CDH18: variants seen among roughly 807,000 people sequenced by gnomAD.
CDH18 encodes cadherin 18, also known as cadherin-18.
In CDH18, 31 loss-of-function variants were observed where a neutral mutation model predicts 67.9. The ratio of observed to expected loss-of-function variants is 0.46; its 90% confidence interval spans 0.34 to 0.62. The LOEUF is 0.62. Ranked by LOEUF, CDH18 falls within the 20% of genes least tolerant of loss-of-function variation. The pLI is 0.01. For missense variants in CDH18, 890 were observed against 975.5 expected (o/e 0.91, Z 1.17); for synonymous variants, 362 against 347.2 (o/e 1.04, Z -0.48).
At chr5:19,563,875 T>G (rs930725014) in intron 8 of CDH18, among the ~76,000 whole-genome samples, 2 of 152,118 alleles carry the variant, frequency 1.3e-5, no homozygotes, top group African/African-American at 4.8e-5. Flanking sequence ...CATACCCTGG[T>G]AGTGGCAGCA....
chr5:19,899,292 C>A (rs963838633), intron 2 of CDH18, among the ~76,000 whole-genome samples: 1 of 150,840 alleles, frequency 6.6e-6, no homozygotes, highest in Non-Finnish European at 1.5e-5. Flanking sequence ...CCCAGCTACT[C>A]GGGAGGCTGA....
intron 5 of CDH18, among the ~76,000 whole-genome samples, chr5:19,624,382 T>C (rs1191909755): frequency 4.6e-5 from 7 of 152,188 alleles, no homozygotes; most frequent in Non-Finnish European, 1.0e-4. Context: ...TATATGTATA[T>C]ACAATATATG....
chr5:20,141,605 C>T (rs1226007152), intron 2 of CDH18, among the ~76,000 whole-genome samples: 5 of 152,116 alleles, frequency 3.3e-5, no homozygotes, highest in African/African-American at 1.2e-4. Context: ...CATCATGTGA[C>T]AGAGATCCAG....
At chr5:20,116,233 G>A (rs1370210514) in intron 2 of CDH18, among the ~76,000 whole-genome samples, 1 of 152,042 alleles carries the variant, frequency 6.6e-6, no homozygotes. Context: ...AGTAGGATGG[G>A]GACAGTCCTC....
intron 1 of CDH18, among the ~76,000 whole-genome samples, chr5:20,313,059 A>G (rs975991221): frequency 1.3e-5 from 2 of 152,166 alleles, no homozygotes; most frequent in African/African-American, 2.4e-5. Context: ...CATGCAATGG[A>G]TACGCTCTTG....
At chr5:20,192,756 T>C (rs1291765335) in intron 2 of CDH18, among the ~76,000 whole-genome samples, 1 of 152,154 alleles carries the variant, frequency 6.6e-6, no homozygotes. Context: ...TACAGTAGCC[T>C]TGTAGTATAA....
At chr5:20,040,897 A>G (rs1034958566) in intron 2 of CDH18, among the ~76,000 whole-genome samples, 3 of 152,172 alleles carry the variant, frequency 2.0e-5, no homozygotes, top group Admixed American at 1.3e-4. Context: ...CCTTTCTATG[A>G]ATTACTGTTC....
At chr5:19,572,863 G>T (rs977094679) in intron 7 of CDH18, among the ~76,000 whole-genome samples, 12 of 152,224 alleles carry the variant, frequency 7.9e-5, no homozygotes, top group Middle Eastern at 3.4e-3. Context: ...TCCTTATCAG[G>T]ATCCTGTAAA....
At chr5:20,451,592 G>A (rs1750456328) in intron 1 of CDH18, among the ~76,000 whole-genome samples, 1 of 152,088 alleles carries the variant, frequency 6.6e-6, no homozygotes, top group Non-Finnish European at 1.5e-5. Flanking sequence ...GGCCATGAAG[G>A]AATAGTGATT....
At chr5:19,722,805 C>T (rs1766281765) in intron 4 of CDH18, among the ~76,000 whole-genome samples, 1 of 151,916 alleles carries the variant, frequency 6.6e-6, no homozygotes. Flanking sequence ...AATGTTTTTA[C>T]AATCAATTGA....
rs538550672 is a variant in CDH18, at chr5:20,217,446, T to A, written c.-518+37998A>T. Among the ~76,000 whole-genome samples, 327 of 152,048 alleles carry A rather than the reference T, an allele frequency of 2.2e-3. 1 individual carries two copies. The highest frequency in any genetic ancestry group is 3.9e-3 in the Non-Finnish European group (266 of 67,904). On this transcript the variant is annotated intron_variant, in intron 2 of 14. Coordinates refer to the CDH18 transcript ENST00000507958. ...TTGTTTATTAATCAGTGTTAAGTTG[T>A]CATCAGTTTAAAATAATGAGTTATA...
At chr5:19,748,845 T>C (rs1172812081) in intron 3 of CDH18, among the ~76,000 whole-genome samples, 1 of 152,154 alleles carries the variant, frequency 6.6e-6, no homozygotes, top group African/African-American at 2.4e-5. Context: ...ATAATTTCAC[T>C]TCTTTCTTGA....
intron 2 of CDH18, among the ~76,000 whole-genome samples, chr5:19,970,964 A>G (rs146685938): frequency 1.3e-5 from 2 of 152,036 alleles, no homozygotes; most frequent in African/African-American, 2.4e-5. Context: ...AACAAAATAC[A>G]TTATTAAAGT....
intron 3 of CDH18, among the ~76,000 whole-genome samples, chr5:19,822,976 C>T (rs564789811): frequency 5.9e-5 from 9 of 152,204 alleles, no homozygotes; most frequent in Admixed American, 1.3e-4. Context: ...CCCTCAGGGA[C>T]GCATTCTCTT....
chr5:20,289,275 A>C (rs144149493), intron 1 of CDH18, among the ~76,000 whole-genome samples: 271 of 152,162 alleles, frequency 1.8e-3, no homozygotes, highest in African/African-American at 6.2e-3. Flanking sequence ...GAGAATTATG[A>C]AATGACAGTT....
rs539893750 is a variant in CDH18 at position 19,529,432 on chromosome 5, A to G, written c.1391-8654T>C. On this transcript the variant is annotated intron_variant, in intron 9 of 12. Transcript: ENST00000382275. ...GAAATAAACAGAAATGTAAGGATAT[A>G]TGCTCTCAGAACTTCTCCTGAACAC... Among the ~76,000 whole-genome samples the G allele has an allele frequency of 6.6e-5, 10 of 152,136 alleles. No homozygotes were observed. In the South Asian group the frequency reaches 8.3e-4, roughly 13 times the overall value.
chr5:19,787,076 T>G (rs1337003106), intron 3 of CDH18, among the ~76,000 whole-genome samples: 1 of 152,104 alleles, frequency 6.6e-6, no homozygotes, highest in Non-Finnish European at 1.5e-5. Context: ...AGAAGGTACC[T>G]CTATAGAAAG....
At chr5:20,302,272 T>C (rs1015484634) in intron 1 of CDH18, among the ~76,000 whole-genome samples, 1 of 152,202 alleles carries the variant, frequency 6.6e-6, no homozygotes, top group Non-Finnish European at 1.5e-5. Flanking sequence ...CCCTTAGTTC[T>C]TCATCTTTTT....
In CDH18 at chr5:19,815,597, G is replaced by A. The variant is rs369008915; in HGVS notation, c.228+23162C>T. On this transcript the variant is annotated intron_variant, in intron 3 of 12. Transcript: ENST00000382275. ...AATTGAAGGTTGTCTTCTAAGTAATGAAAAATATAGAATAAGGTCAGTGAT... is the reference window on the plus strand; with the variant it reads ...AATTGAAGGTTGTCTTCTAAGTAATAAAAAATATAGAATAAGGTCAGTGAT... Among the ~76,000 whole-genome samples the A allele has an allele frequency of 2.2e-4, 33 of 151,830 alleles. No individual in the cohort carries two copies. In the East Asian group the frequency reaches 3.9e-3, roughly 18 times the overall value.
Sources: allele counts gnomAD v4.1 joint callset (sites outside exome capture counted in the v4.1 genomes callset), GRCh38; gene constraint gnomAD v4.1.1; transcripts MANE v1.5; gene names NCBI Gene and HGNC (gene_info 2026-07-23, HGNC 2026-07-21).